Variants in SGCZ observed in about 807,000 individuals in gnomAD.
SGCZ encodes the protein sarcoglycan zeta.
In SGCZ, 40 loss-of-function variants were observed where a neutral mutation model predicts 41.3. That is an observed-to-expected ratio of 0.97 (90% CI 0.75 to 1.26). The LOEUF (loss-of-function observed/expected upper bound fraction) is 1.26. Among genes scored for constraint, SGCZ ranks in the 50% most tolerant of loss-of-function variants. SGCZ has a pLI of 0.00. For synonymous variants in SGCZ, 206 were observed against 137.5 expected, an observed-to-expected ratio of 1.50 and a Z score of -3.49; for missense variants, 552 against 369.8, an observed-to-expected ratio of 1.49 and a Z score of -4.04.
At chr8:14,508,288 G>A (rs1299679484) in intron 2 of SGCZ, among the ~76,000 whole-genome samples, 2 of 152,060 alleles carry the variant, frequency 1.3e-5, no homozygotes, top group Non-Finnish European at 2.9e-5. Context: ...AACAGTGTCT[G>A]GCACATATGA....
At chr8:14,787,482 T>G (rs1210361560) in intron 1 of SGCZ, among the ~76,000 whole-genome samples, 1 of 152,066 alleles carries the variant, frequency 6.6e-6, no homozygotes, top group Admixed American at 6.6e-5. Flanking sequence ...CTTTACAAAG[T>G]GCAAGATAAT....
chr8:14,466,355 C>A (rs946420145), intron 2 of SGCZ, among the ~76,000 whole-genome samples: 1 of 151,938 alleles, frequency 6.6e-6, no homozygotes, highest in Non-Finnish European at 1.5e-5. Context: ...ATTGAGCATC[C>A]TTTGCATGTG....
At chr8:14,709,581 A>C (rs866063546) in intron 1 of SGCZ, among the ~76,000 whole-genome samples, 9 of 152,188 alleles carry the variant, frequency 5.9e-5, no homozygotes, top group Non-Finnish European at 1.2e-4. Context: ...AGGAATGCAA[A>C]GTTAAAGCAC....
intron 2 of SGCZ, among the ~76,000 whole-genome samples, chr8:14,489,058 A>C (rs1207815881): frequency 6.7e-6 from 1 of 149,954 alleles, no homozygotes; most frequent in African/African-American, 2.4e-5. Flanking sequence ...AACATAAAGT[A>C]ATTCAAATTC....
chr8:14,905,888 C>G (rs982084707), intron 1 of SGCZ, among the ~76,000 whole-genome samples: 15 of 151,734 alleles, frequency 9.9e-5, no homozygotes, highest in African/African-American at 3.4e-4. Context: ...CACACATACA[C>G]CTATGTATAC....
intron 1 of SGCZ, among the ~76,000 whole-genome samples, chr8:14,840,954 C>T (rs893877017): frequency 5.3e-5 from 8 of 152,050 alleles, no homozygotes; most frequent in Non-Finnish European, 1.0e-4. Context: ...AAGATGTCAT[C>T]TTAAACTTCC....
At chr8:14,886,748 A>G (rs948172349) in intron 1 of SGCZ, among the ~76,000 whole-genome samples, 3 of 152,160 alleles carry the variant, frequency 2.0e-5, no homozygotes, top group African/African-American at 7.2e-5. Context: ...GAGACGGGAA[A>G]ATCACTTTAA....
chr8:14,308,668 T>A lies in SGCZ; in HGVS notation c.336+15435A>T, dbSNP rs370025581. Among the ~76,000 whole-genome samples, 6 of 152,204 alleles carry A rather than the reference T, an allele frequency of 3.9e-5. No homozygotes were observed. In the East Asian group the frequency reaches 1.2e-3, roughly 29 times the overall value. ...ACAATAAAAATATTCTAATTTATAA[T>A]ACATAAGAGGGATGGATTTTAGTAT... is the stretch of plus-strand genomic sequence containing the variant. On this transcript the variant is annotated intron_variant, in intron 3 of 7. Transcript: ENST00000382080.
At chr8:14,769,192 A>G (rs1452286680) in intron 1 of SGCZ, among the ~76,000 whole-genome samples, 2 of 152,122 alleles carry the variant, frequency 1.3e-5, no homozygotes, top group African/African-American at 4.8e-5. Context: ...AAAGACAAAT[A>G]ATGATGGTAA....
chr8:15,173,524 G>A (rs1799911053), intron 1 of SGCZ, among the ~76,000 whole-genome samples: 1 of 152,116 alleles, frequency 6.6e-6, no homozygotes, highest in South Asian at 2.1e-4. Flanking sequence ...AAATGGAGGA[G>A]TGCCTTGTAT....
intron 3 of SGCZ, among the ~76,000 whole-genome samples, chr8:14,256,725 A>T (rs1799479304): frequency 6.6e-6 from 1 of 152,144 alleles, no homozygotes; most frequent in African/African-American, 2.4e-5. Context: ...TGTACCTTAT[A>T]ATCTGTTTGT....
At chr8:14,159,153 G>T (rs1168210875) in intron 5 of SGCZ, among the ~76,000 whole-genome samples, 1 of 151,860 alleles carries the variant, frequency 6.6e-6, no homozygotes, top group Non-Finnish European at 1.5e-5. Context: ...AGATTTTGTG[G>T]GTCTAAGACC....
At chr8:15,059,117 C>G (rs1422354319) in intron 1 of SGCZ, among the ~76,000 whole-genome samples, 1 of 151,912 alleles carries the variant, frequency 6.6e-6, no homozygotes, top group African/African-American at 2.4e-5. Flanking sequence ...GATATGTTTC[C>G]TGTTTGACAG....
At chr8:14,883,229 G>A (rs1804661128) in intron 1 of SGCZ, among the ~76,000 whole-genome samples, 2 of 125,276 alleles carry the variant, frequency 1.6e-5, no homozygotes, top group South Asian at 4.7e-4. Context: ...TCAATGTTGG[G>A]CTACTTAAAA....
rs528352654 is a variant in SGCZ at position 15,009,617 on chromosome 8, A to G, written c.39+227968T>C. Among the ~76,000 whole-genome samples, 284 of 152,268 alleles carry G rather than the reference A, an allele frequency of 1.9e-3. 1 individual carries two copies. The highest frequency in any genetic ancestry group is 4.0e-3 in the Admixed American group (61 of 15,294). ...TGGAAAAAAACTCCAGTTAACAATC[A>G]TTTTTAGCAGGTGACTGTCAATGAT... On this transcript the variant is annotated intron_variant, in intron 1 of 7. Transcript: ENST00000382080.
At chr8:14,443,731 C>T (rs1223802012) in intron 2 of SGCZ, among the ~76,000 whole-genome samples, 1 of 152,056 alleles carries the variant, frequency 6.6e-6, no homozygotes, top group East Asian at 1.9e-4. Flanking sequence ...TAGGCATTAC[C>T]ATTCAGGACA....
At chr8:14,790,076 GT>G (rs1563270949) in intron 1 of SGCZ, among the ~76,000 whole-genome samples, 2 of 152,042 alleles carry the variant, frequency 1.3e-5, no homozygotes, top group African/African-American at 4.8e-5. Context: ...AAAAAATACT[GT>G]CAATTTATTT....
At chr8:15,204,914 C>G (rs952075660) in intron 1 of SGCZ, among the ~76,000 whole-genome samples, 1 of 152,106 alleles carries the variant, frequency 6.6e-6, no homozygotes, top group Non-Finnish European at 1.5e-5. Context: ...CATTAAAAAA[C>G]CAGTTAGTGA....
At chr8:14,203,533 C>G (rs73528708) in intron 4 of SGCZ, among the ~76,000 whole-genome samples, 1 of 152,136 alleles carries the variant, frequency 6.6e-6, no homozygotes, top group Non-Finnish European at 1.5e-5. Flanking sequence ...ATTTAATGTG[C>G]TCCTAAATTT....
Sources: allele counts gnomAD v4.1 joint callset (sites outside exome capture counted in the v4.1 genomes callset), GRCh38; gene constraint gnomAD v4.1.1; transcripts MANE v1.5; gene names NCBI Gene and HGNC (gene_info 2026-07-23, HGNC 2026-07-21).